ASIC2: variants seen among roughly 807,000 people sequenced by gnomAD.
ASIC2 encodes the protein acid sensing ion channel subunit 2, also known as acid-sensing ion channel 2.
ASIC2 carries 25 observed loss-of-function variants against 57.3 expected under a neutral mutation model. The ratio of observed to expected loss-of-function variants is 0.44; its 90% CI spans 0.32 to 0.61. The LOEUF (loss-of-function observed/expected upper bound fraction) is 0.61. Ranked by LOEUF, ASIC2 falls within the 20% of genes least tolerant of loss-of-function variation. The pLI is 0.06. For missense variants in ASIC2, 641 were observed against 738.1 expected (o/e 0.87, Z 1.52); for synonymous variants, 319 against 307.5 (o/e 1.04, Z -0.39).
chr17:33,045,253 C>T (rs2091948667), intron 3 of ASIC2, among the ~76,000 whole-genome samples: 1 of 152,146 alleles, frequency 6.6e-6, no homozygotes. Flanking sequence ...AAATCTGTGC[C>T]CTCCCTTCCT....
chr17:33,489,893 G>A (rs1004058431), intron 1 of ASIC2, among the ~76,000 whole-genome samples: 4 of 152,136 alleles, frequency 2.6e-5, no homozygotes, highest in African/African-American at 7.2e-5. Flanking sequence ...CCAGGCAATC[G>A]GAAAGTCTTG....
At chr17:33,393,084 C>A (rs1909959354) in intron 1 of ASIC2, among the ~76,000 whole-genome samples, 1 of 152,166 alleles carries the variant, frequency 6.6e-6, no homozygotes, top group Non-Finnish European at 1.5e-5. Context: ...CACCTCCTGG[C>A]CAGCTCCTTG....
intron 1 of ASIC2, among the ~76,000 whole-genome samples, chr17:33,388,904 C>A (rs909791268): frequency 1.3e-5 from 2 of 152,228 alleles, no homozygotes; most frequent in Non-Finnish European, 2.9e-5. Flanking sequence ...ATGGCCTCTG[C>A]GGCCACATCA....
At chr17:33,779,189 G>C (rs1911373028) in intron 1 of ASIC2, among the ~76,000 whole-genome samples, 1 of 152,042 alleles carries the variant, frequency 6.6e-6, no homozygotes, top group Non-Finnish European at 1.5e-5. Context: ...AAACACATTT[G>C]GCTTCCCAGG....
At chr17:33,511,319 T>C (rs1914425763) in intron 1 of ASIC2, among the ~76,000 whole-genome samples, 1 of 152,102 alleles carries the variant, frequency 6.6e-6, no homozygotes, top group African/African-American at 2.4e-5. Context: ...TTCTGCTCAG[T>C]CTCTTTTGGC....
At chr17:33,754,957 C>CA (rs58392305) in intron 1 of ASIC2, among the ~76,000 whole-genome samples, 6,250 of 57,700 alleles carry the variant, frequency 0.11, 676 homozygotes, top group East Asian at 0.38. Flanking sequence ...GACTCCATCT[C>CA]AAAAAAAAAA....
chr17:33,840,799 C>CCACACACACACACACACACACA (rs10525634), intron 1 of ASIC2, among the ~76,000 whole-genome samples: 13,676 of 147,158 alleles, frequency 0.093, 839 homozygotes, highest in South Asian at 0.14. Flanking sequence ...CCTGGACACA[C>CCACACACACACACACACACACA]CACACACACA....
rs1905141054 is a variant in ASIC2, at chr17:33,602,739, C to T, written c.556-490672G>A. Among the ~76,000 whole-genome samples the T allele has an allele frequency of 2.0e-5, 3 of 152,230 alleles. No individual in the cohort carries two copies. The South Asian group carries it at 6.2e-4, about 32-fold the overall frequency. On this transcript the variant is annotated intron_variant, in intron 1 of 9. Transcript: ENST00000359872. ...CCAGCCACACAAGCCTCTCCTGTCT[C>T]AGGACCTTTGCATGGACTGGTCCTT...
chr17:33,703,396 G>A (rs554484199), intron 1 of ASIC2, among the ~76,000 whole-genome samples: 34 of 151,778 alleles, frequency 2.2e-4, no homozygotes, highest in Admixed American at 1.0e-3. Flanking sequence ...CACCCAGGAC[G>A]GAGTGCAGTG....
intron 1 of ASIC2, among the ~76,000 whole-genome samples, chr17:33,414,192 G>A (rs558422500): frequency 5.6e-4 from 85 of 152,312 alleles, no homozygotes; most frequent in African/African-American, 2.0e-3. Flanking sequence ...ATTGGAGGCA[G>A]GAAGATTAAG....
At chr17:33,320,725 T>A (rs1906836368) in intron 1 of ASIC2, among the ~76,000 whole-genome samples, 1 of 152,208 alleles carries the variant, frequency 6.6e-6, no homozygotes, top group African/African-American at 2.4e-5. Context: ...CAAACACCCA[T>A]CTTCTCTCTC....
rs1162681061 is a variant in ASIC2 at position 33,436,850 on chromosome 17, CTTCTTTTTTTTTTT to C, written c.556-324797_556-324784del. On this transcript the variant is annotated intron_variant, in intron 1 of 9. Transcript: ENST00000359872. Reference sequence around the variant, plus strand: ...TGCAATGCCTTAAAACACATTCCAACTTCTTTTTTTTTTTTTTTTTTTTTTTTTTTTTTGAGACG... The same window carrying C: ...TGCAATGCCTTAAAACACATTCCAACTTTTTTTTTTTTTTTTTTTGAGACG... Among the ~76,000 whole-genome samples the C allele has an allele frequency of 6.6e-5, 5 of 76,038 alleles. No individual in the cohort carries two copies. The East Asian group carries it at 1.1e-3, about 17-fold the overall frequency. 49.9% of individuals were successfully genotyped at this position (76,038 alleles called of 152,430 possible). A position where few individuals can be genotyped will look rare whatever the true frequency, so the allele number is the denominator to read the frequency against.
intron 1 of ASIC2, among the ~76,000 whole-genome samples, chr17:33,597,940 C>T (rs1905028485): frequency 6.6e-6 from 1 of 152,200 alleles, no homozygotes; most frequent in Non-Finnish European, 1.5e-5. Flanking sequence ...AGAATGTCTT[C>T]CAAATACTCC....
chr17:33,446,292 A>G (rs963985669), intron 1 of ASIC2, among the ~76,000 whole-genome samples: 2 of 152,158 alleles, frequency 1.3e-5, no homozygotes, highest in Non-Finnish European at 2.9e-5. Flanking sequence ...AAGAATCTGA[A>G]CATAGTAATC....
At chr17:33,900,723 A>G (rs1915214705) in intron 1 of ASIC2, among the ~76,000 whole-genome samples, 1 of 152,212 alleles carries the variant, frequency 6.6e-6, no homozygotes, top group Non-Finnish European at 1.5e-5. Context: ...TAAACAGACC[A>G]TAAGATGTTG....
intron 1 of ASIC2, among the ~76,000 whole-genome samples, chr17:34,145,457 T>C (rs941194151): frequency 3.3e-5 from 5 of 152,208 alleles, no homozygotes; most frequent in African/African-American, 7.2e-5. Flanking sequence ...TCCAACCCTT[T>C]ACCTGACATT....
intron 1 of ASIC2, among the ~76,000 whole-genome samples, chr17:33,803,356 T>A (rs1359091916): frequency 7.1e-6 from 1 of 140,042 alleles, no homozygotes; most frequent in African/African-American, 2.6e-5. Context: ...TGTGGGTGGG[T>A]GGGGGGTTTG....
intron 1 of ASIC2, among the ~76,000 whole-genome samples, chr17:33,640,366 C>G (rs1229415219): frequency 6.6e-6 from 1 of 152,146 alleles, no homozygotes; most frequent in East Asian, 1.9e-4. Flanking sequence ...TTGCATTTCG[C>G]CAAAAGACAA....
At chr17:33,431,745 T>G (rs1911427845) in intron 1 of ASIC2, among the ~76,000 whole-genome samples, 1 of 152,098 alleles carries the variant, frequency 6.6e-6, no homozygotes, top group Admixed American at 6.5e-5. Flanking sequence ...CCAGGAAAAC[T>G]ATGATTGCGT....
Sources: allele counts gnomAD v4.1 joint callset (sites outside exome capture counted in the v4.1 genomes callset), GRCh38; gene constraint gnomAD v4.1.1; transcripts MANE v1.5; gene names NCBI Gene and HGNC (gene_info 2026-07-23, HGNC 2026-07-21).